SMYD3: variants seen among roughly 807,000 people sequenced by gnomAD.
SMYD3 encodes histone-lysine N-methyltransferase SMYD3.
A neutral mutation model predicts 57.7 loss-of-function variants in SMYD3; 36 were observed. The ratio of observed to expected loss-of-function variants is 0.62; its 90% CI spans 0.48 to 0.82. The LOEUF (loss-of-function observed/expected upper bound fraction) is 0.82, where lower values mean the gene tolerates loss of function less well. Ranked by LOEUF, SMYD3 falls within the 40% of genes least tolerant of loss-of-function variation. SMYD3 has a pLI of 0.00. For missense variants in SMYD3, 515 were observed against 538.8 expected, an observed-to-expected ratio of 0.96 and a Z score of 0.44; for synonymous variants, 211 against 195.0, an observed-to-expected ratio of 1.08 and a Z score of -0.68.
chr1:246,316,256 A>C (rs996370988), intron 5 of SMYD3, among the ~76,000 whole-genome samples: 40 of 152,260 alleles, frequency 2.6e-4, no homozygotes, highest in African/African-American at 9.1e-4. Context: ...GCATGATAGC[A>C]CATGTCTGTA....
intron 10 of SMYD3, among the ~76,000 whole-genome samples, chr1:245,785,864 AATTTT>A (rs1325594621): frequency 8.6e-5 from 13 of 151,824 alleles, no homozygotes; most frequent in African/African-American, 3.1e-4. Context: ...ATGCCTGGCT[AATTTT>A]ATTTTTTTTA....
chr1:246,381,497 C>T (rs1001479314), intron 1 of SMYD3, among the ~76,000 whole-genome samples: 2 of 152,034 alleles, frequency 1.3e-5, no homozygotes, highest in African/African-American at 2.4e-5. Context: ...ATACACAAAC[C>T]GCAATCAAGT....
intron 5 of SMYD3, among the ~76,000 whole-genome samples, chr1:246,306,246 C>A (rs1029628632): frequency 2.0e-5 from 3 of 152,052 alleles, no homozygotes. Context: ...ACTTGGGAGG[C>A]TGAGGCAGGA....
At chr1:246,173,224 T>G (rs1295920793) in intron 5 of SMYD3, among the ~76,000 whole-genome samples, 1 of 151,074 alleles carries the variant, frequency 6.6e-6, no homozygotes, top group Non-Finnish European at 1.5e-5. Context: ...ACTGTAGACT[T>G]CATCAACACT....
intron 5 of SMYD3, among the ~76,000 whole-genome samples, chr1:246,287,816 C>A: frequency 6.6e-6 from 1 of 152,146 alleles, no homozygotes; most frequent in East Asian, 1.9e-4. Flanking sequence ...AAGCAAAATT[C>A]TTGACAGCCA....
chr1:246,364,187 G>A (rs1422646652), intron 1 of SMYD3, among the ~76,000 whole-genome samples: 1 of 147,246 alleles, frequency 6.8e-6, no homozygotes, highest in Non-Finnish European at 1.5e-5. Flanking sequence ...GTGAGCTCCA[G>A]GACTGTAAGG....
At chr1:245,915,840 C>T (rs565889604) in intron 7 of SMYD3, among the ~76,000 whole-genome samples, 200 bp from the exon 8 acceptor site, 111 of 152,218 alleles carry the variant, frequency 7.3e-4, no homozygotes, top group African/African-American at 2.6e-3. Flanking sequence ...TCAGTCTTTG[C>T]TATGTGGTAA....
intron 10 of SMYD3, among the ~76,000 whole-genome samples, chr1:245,856,321 G>A (rs932742959): frequency 6.6e-6 from 1 of 152,204 alleles, no homozygotes; most frequent in African/African-American, 2.4e-5. Flanking sequence ...CTCATGTGAA[G>A]TGGATCAATG....
intron 5 of SMYD3, among the ~76,000 whole-genome samples, chr1:246,018,421 G>C (rs2059414897): frequency 6.6e-6 from 1 of 152,142 alleles, no homozygotes; most frequent in Non-Finnish European, 1.5e-5. Flanking sequence ...CCACAGTCAA[G>C]GCACTCAACT....
At chr1:246,265,204 T>C (rs887309418) in intron 5 of SMYD3, among the ~76,000 whole-genome samples, 7 of 152,176 alleles carry the variant, frequency 4.6e-5, no homozygotes, top group African/African-American at 1.7e-4. Context: ...GGTGTGAGCA[T>C]AGCTCACTGT....
At chr1:246,142,210 A>G (rs562925276) in intron 5 of SMYD3, among the ~76,000 whole-genome samples, 3 of 152,318 alleles carry the variant, frequency 2.0e-5, no homozygotes, top group East Asian at 1.9e-4. Context: ...TTATACATAC[A>G]TACCTATGAT....
Position 246,348,077 on chromosome 1 carries a change from T to TATATATAC in SMYD3, c.228+6953_228+6954insGTATATAT. 6.4e-4 allele frequency among the ~76,000 whole-genome samples: 55 copies of TATATATAC among 86,516 alleles called. 5 individuals are homozygous for TATATATAC. The highest frequency in any genetic ancestry group is 9.1e-4 in the Non-Finnish European group (35 of 38,390). The allele number at this position is 86,516 out of a possible 152,430, so 56.8% of individuals were successfully genotyped here. A position where few individuals can be genotyped will look rare whatever the true frequency, so the allele number is the denominator to read the frequency against. Reference sequence around the variant, plus strand: ...AGAAAACGTTATATATATATATATATACACACACACCATCAAATACTATGA... The same window carrying TATATATAC: ...AGAAAACGTTATATATATATATATATATATATACACACACACACCATCAAATACTATGA... On this transcript the variant is annotated intron_variant, in intron 2 of 11. Coordinates refer to ENST00000490107, the MANE Select transcript of SMYD3 (RefSeq NM_001167740.2).
At chr1:246,133,054 A>G (rs1420462517) in intron 5 of SMYD3, among the ~76,000 whole-genome samples, 1 of 152,078 alleles carries the variant, frequency 6.6e-6, no homozygotes, top group East Asian at 1.9e-4. Flanking sequence ...AAGGTGCTAT[A>G]ATAAAAACTA....
At chr1:245,842,110 G>A (rs554063140) in intron 10 of SMYD3, among the ~76,000 whole-genome samples, 2 of 152,238 alleles carry the variant, frequency 1.3e-5, no homozygotes, top group South Asian at 4.1e-4. Context: ...CACAATCTAG[G>A]TTTGTGTAAA....
At chr1:245,864,725 A>G (rs1288169325) in intron 8 of SMYD3, among the ~76,000 whole-genome samples, 1 of 97,702 alleles carries the variant, frequency 1.0e-5, no homozygotes, top group East Asian at 2.0e-4. Context: ...ACTGAAAACC[A>G]CTGAACTGTA....
At chr1:246,337,687 T>C (rs1292926039) in intron 2 of SMYD3, among the ~76,000 whole-genome samples, 1 of 152,134 alleles carries the variant, frequency 6.6e-6, no homozygotes. Flanking sequence ...GGGCTCACAC[T>C]CAGCAAAACA....
intron 1 of SMYD3, among the ~76,000 whole-genome samples, chr1:246,438,882 T>A (rs954486725): frequency 6.6e-6 from 1 of 151,394 alleles, no homozygotes; most frequent in African/African-American, 2.4e-5. Context: ...CACGCTCCCG[T>A]GAGAATCTAA....
At chr1:245,931,767 G>A (rs2056737549) in intron 5 of SMYD3, among the ~76,000 whole-genome samples, 1 of 152,162 alleles carries the variant, frequency 6.6e-6, no homozygotes, top group Admixed American at 6.5e-5. Context: ...GAAAGAACAC[G>A]AAGTATGAAA....
chr1:246,396,530 T>C (rs766191108), intron 1 of SMYD3, among the ~76,000 whole-genome samples: 2 of 152,334 alleles, frequency 1.3e-5, no homozygotes, highest in Non-Finnish European at 2.9e-5. Flanking sequence ...GAACAAACTA[T>C]TATGCAACAT....
Sources: allele counts gnomAD v4.1 joint callset (sites outside exome capture counted in the v4.1 genomes callset), GRCh38; gene constraint gnomAD v4.1.1; transcripts MANE v1.5; gene names NCBI Gene and HGNC (gene_info 2026-07-23, HGNC 2026-07-21).